Variants in NEU3 observed in about 807,000 individuals in gnomAD.
NEU3 encodes the protein sialidase-3.
NEU3 carries 10 observed loss-of-function variants against 11.4 expected under a neutral mutation model. The observed-to-expected ratio is 0.88, with a 90% CI of 0.54 to 1.49. NEU3 has a LOEUF of 1.49. Among genes scored for constraint, NEU3 ranks in the 40% most tolerant of loss-of-function variants. The pLI is 0.00. For synonymous variants in NEU3, 212 were observed against 228.2 expected, an observed-to-expected ratio of 0.93 and a Z score of 0.64; for missense variants, 529 against 581.8, an observed-to-expected ratio of 0.91 and a Z score of 0.93.
At chr11:74,986,441 A>T (rs947661164), upstream of NEU3, among the ~76,000 whole-genome samples, 2 of 152,224 alleles carry the variant, frequency 1.3e-5, no homozygotes, top group Non-Finnish European at 2.9e-5. Flanking sequence ...AATAATTGGG[A>T]TAGTTGTGTT....
At position 75,008,091 on chromosome 11, in the gene NEU3, C is replaced by T. The variant is rs1948917316; in HGVS notation, c.*1599C>T. On this transcript the variant is annotated 3_prime_UTR_variant, in exon 3 of 3. Transcript: ENST00000294064. ...CTCCTACATTTGCCAAGGTAATCTT[C>T]CCAATACACAATTATTCACTCATGT... 1 of 152,140 alleles carries T rather than the reference C, an allele frequency of 6.6e-6. No individual in the cohort carries two copies. The highest frequency in any genetic ancestry group is 6.5e-5 in the Admixed American group (1 of 15,278). The allele number at this position is 152,140 out of a possible 1,614,324, so 9.4% of individuals were successfully genotyped here. A position where few individuals can be genotyped will look rare whatever the true frequency, so the allele number is the denominator to read the frequency against.
Position 75,005,627 on chromosome 11 carries a change from T to A in NEU3, c.521T>A (p.Val174Glu). Reference protein sequence around the residue: ...SQDAGCSWSEVRDLTEEVIGS... With the variant: ...SQDAGCSWSEERDLTEEVIGS... ...GATGCTGGATGTTCATGGAGTGAGG[T>A]GAGGGACTTGACTGAGGAGGTCATT... The change falls in exon 3 of 3, where the codon GTG (valine) becomes GAG (glutamate). Residue 174 changes from valine (V) to glutamate (E), a missense_variant. Physicochemically the swap from Val to Glu is moderately radical, Grantham distance 121. Coordinates refer to ENST00000294064, the MANE Select transcript of NEU3 (RefSeq NM_006656.6). 1 of 1,613,908 alleles carries A rather than the reference T, an allele frequency of 6.2e-7. No homozygotes were observed.
chr11:75,006,296 A>G lies in NEU3; in HGVS notation c.1190A>G (p.His397Arg). ...TGCTGGTCCCGCCCCTGGATCTTGCACTGTGGGCCCTGTGGCTACTCTGAT... is the reference window on the plus strand; with the variant it reads ...TGCTGGTCCCGCCCCTGGATCTTGCGCTGTGGGCCCTGTGGCTACTCTGAT... ...AACWSRPWIL[H>R]CGPCGYSDLA... Residue 397 changes from histidine (H) to arginine (R), a missense_variant, in exon 3 of 3, where the codon CAC becomes CGC. Coordinates refer to ENST00000294064, the MANE Select transcript of NEU3 (RefSeq NM_006656.6). 1 of 1,613,904 alleles carries G rather than the reference A, an allele frequency of 6.2e-7. No individual in the cohort carries two copies. The highest frequency in any genetic ancestry group is 8.5e-7 in the Non-Finnish European group (1 of 1,179,868).
chr11:74,983,386 G>T (rs1363490268), upstream of NEU3, among the ~76,000 whole-genome samples: 1 of 152,166 alleles, frequency 6.6e-6, no homozygotes, highest in South Asian at 2.1e-4. Flanking sequence ...AAAAGCACAG[G>T]TTTAGTTGAA....
At chr11:75,019,027 T>G (rs969708571), downstream of NEU3, 2 of 152,268 alleles carry the variant, frequency 1.3e-5, no homozygotes, top group Non-Finnish European at 1.5e-5. Context: ...CCCTAGAGAT[T>G]TGCAGAACTT....
chr11:74,994,145 A>G (rs1328759200), intron 1 of NEU3, among the ~76,000 whole-genome samples: 2 of 152,188 alleles, frequency 1.3e-5, no homozygotes, highest in African/African-American at 4.8e-5. Flanking sequence ...TCATACAGAT[A>G]CCCAAATGGC....
At chr11:74,997,952 G>T (rs927553330) in intron 2 of NEU3, among the ~76,000 whole-genome samples, 2 of 152,094 alleles carry the variant, frequency 1.3e-5, no homozygotes, top group East Asian at 3.9e-4. Context: ...CTTTCAACAT[G>T]CCTTCCTCGT....
chr11:75,018,194 A>C (rs1439283893), intron 3 of NEU3, among the ~76,000 whole-genome samples: 1 of 151,864 alleles, frequency 6.6e-6, no homozygotes, highest in Non-Finnish European at 1.5e-5. Flanking sequence ...TATTGAGAGG[A>C]TCTAGAATGC....
intron 2 of NEU3, chr11:75,004,414 C>A: frequency 2.1e-6 from 1 of 483,708 alleles, no homozygotes; most frequent in South Asian, 3.6e-5. Context: ...TTGTCAGTTT[C>A]GTTTTAATTT....
At position 75,006,468 on chromosome 11, in the gene NEU3, C is replaced by A; in HGVS notation, c.1362C>A (p.Asn454Lys). Reference protein sequence around the residue: ...LQGDCTSPGRNPSQFKSN With the variant: ...LQGDCTSPGRKPSQFKSN ...GGGACTGCACCAGCCCTGGTAGGAA[C>A]CCAAGCCAATTCAAAAGCAATTAAT... The change falls in exon 3 of 3, where the codon AAC becomes AAA. Residue 454 changes from asparagine to lysine, a missense_variant. Coordinates refer to ENST00000294064, the MANE Select transcript of NEU3 (RefSeq NM_006656.6). 9 of 1,611,530 alleles carry A rather than the reference C, an allele frequency of 5.6e-6. No homozygotes were observed. The highest frequency in any genetic ancestry group is 1.3e-5 in the African/African-American group (1 of 74,954).
At chr11:75,000,746 G>A (rs1948834740) in intron 2 of NEU3, among the ~76,000 whole-genome samples, 1 of 150,934 alleles carries the variant, frequency 6.6e-6, no homozygotes, top group African/African-American at 2.4e-5. Context: ...GAGTAGCTGG[G>A]ACTACAAGTG....
At chr11:75,016,826 A>G (rs1469076161) in intron 3 of NEU3, among the ~76,000 whole-genome samples, 1 of 152,194 alleles carries the variant, frequency 6.6e-6, no homozygotes, top group African/African-American at 2.4e-5. Flanking sequence ...CCCAGACTGG[A>G]GCTGAGGAAG....
At chr11:75,001,053 T>G (rs1046473723) in intron 2 of NEU3, among the ~76,000 whole-genome samples, 2 of 152,100 alleles carry the variant, frequency 1.3e-5, no homozygotes, top group Admixed American at 1.3e-4. Flanking sequence ...CCATAGTGGC[T>G]ACACCATTTT....
Position 75,004,246 on chromosome 11 carries a change from A to G in NEU3, c.307-1167A>G, listed in dbSNP as rs1366633872. 13 of 647,952 alleles carry G rather than the reference A, an allele frequency of 2.0e-5. No homozygotes were observed. The Admixed American group carries it at 3.4e-4, about 17-fold the overall frequency. 40.1% of individuals were successfully genotyped at this position (647,952 alleles called of 1,614,324 possible). On this transcript the variant is annotated intron_variant, in intron 2 of 2. Coordinates refer to ENST00000294064, the MANE Select transcript of NEU3 (RefSeq NM_006656.6). ...ATTGTCAAGCTTTATGATTTTGCTA[A>G]TTTGATAGATGTAAAGTGTTATGTC...
chr11:75,016,250 T>C (rs909461098), intron 3 of NEU3, among the ~76,000 whole-genome samples: 1 of 152,184 alleles, frequency 6.6e-6, no homozygotes, highest in Admixed American at 6.5e-5. Context: ...ATCTGGACTC[T>C]CATGTTCTGC....
downstream of NEU3, among the ~76,000 whole-genome samples, chr11:75,011,252 T>C (rs1003079670): frequency 1.3e-5 from 2 of 152,224 alleles, no homozygotes; most frequent in Non-Finnish European, 1.5e-5. Context: ...ACCTTGAGAT[T>C]ATTCTCAACT....
At chr11:75,003,359 A>G (rs1565496522) in intron 2 of NEU3, among the ~76,000 whole-genome samples, 2 of 152,226 alleles carry the variant, frequency 1.3e-5, no homozygotes, top group African/African-American at 2.4e-5. Context: ...GGGACCAGCC[A>G]ACCTCTCTGA....
Position 75,006,047 on chromosome 11 carries a change from G to A in NEU3, c.941G>A (p.Gly314Glu). 4 of 1,614,014 alleles carry A rather than the reference G, an allele frequency of 2.5e-6. No individual in the cohort carries two copies. Among genetic ancestry groups the A allele is most frequent in the Non-Finnish European group, 3.4e-6 (4 of 1,179,896 alleles). The change falls in exon 3 of 3, where the codon GGG becomes GAG. Residue 314 changes from glycine (G) to glutamate (E), a missense_variant. Transcript: ENST00000294064. Reference sequence around the variant, plus strand: ...TGTGAGCCCCCACATGGTTGCCAAGGGAGTGTGGTAAGTTTCCGGCCCCTG... The same window carrying A: ...TGTGAGCCCCCACATGGTTGCCAAGAGAGTGTGGTAAGTTTCCGGCCCCTG... ...QLCEPPHGCQ[G>E]SVVSFRPLEI...
chr11:74,998,816 C>T (rs796945807), intron 2 of NEU3, among the ~76,000 whole-genome samples: 7 of 152,308 alleles, frequency 4.6e-5, no homozygotes, highest in Non-Finnish European at 7.3e-5. Context: ...CTCATGGCCT[C>T]CCAGGACCAG....
Sources: gnomAD v4.1 joint callset for allele counts (sites outside exome capture counted in the v4.1 genomes callset) on GRCh38, gnomAD v4.1.1 for gene constraint, MANE v1.5 for transcripts, NCBI Gene and HGNC (gene_info 2026-07-23, HGNC 2026-07-21) for gene names.